Variants in NT5C2 observed in about 807,000 individuals in gnomAD.
The protein encoded by NT5C2 is cytosolic purine 5'-nucleotidase.
A neutral mutation model predicts 76.1 loss-of-function variants in NT5C2; 58 were observed. That is an observed-to-expected ratio of 0.76 (90% CI 0.62 to 0.95). The LOEUF (loss-of-function observed/expected upper bound fraction) is 0.95, where lower values mean the gene tolerates loss of function less well. Ranked by LOEUF, NT5C2 falls within the 40% of genes least tolerant of loss-of-function variation. The pLI, the probability that NT5C2 is intolerant of heterozygous loss-of-function variation, is 0.00. For synonymous variants in NT5C2, 229 were observed against 237.4 expected (o/e 0.96, Z 0.32); for missense variants, 478 against 690.3 (o/e 0.69, Z 3.45).
At chr10:103,129,299 G>T (rs2077442446) in intron 4 of NT5C2, among the ~76,000 whole-genome samples, 1 of 115,754 alleles carries the variant, frequency 8.6e-6, no homozygotes, top group African/African-American at 3.2e-5. Context: ...GGAGGGAGGT[G>T]GGGGGGTCAG....
chr10:103,190,571 T>A (rs1191845422), intron 1 of NT5C2, among the ~76,000 whole-genome samples: 1 of 152,222 alleles, frequency 6.6e-6, no homozygotes, highest in African/African-American at 2.4e-5. Flanking sequence ...TTGTTCTATT[T>A]TTCCCTTCTC....
chr10:103,123,862 A>G (rs1408395212), intron 4 of NT5C2, among the ~76,000 whole-genome samples: 3 of 152,130 alleles, frequency 2.0e-5, no homozygotes, highest in African/African-American at 7.2e-5. Flanking sequence ...GGGGAAAAAA[A>G]AAGTCATTAT....
In NT5C2 at chr10:103,114,153, G is replaced by A. The variant is rs545400535; in HGVS notation, c.176-7447C>T. ...CAATTAGGCCGGCTTGGTGGCTCAC[G>A]CCTGTAATCCCAGCACTTTGGGAGG... On this transcript the variant is annotated intron_variant, in intron 4 of 18. Transcript: ENST00000404739. 3.9e-5 allele frequency among the ~76,000 whole-genome samples: 6 copies of A among 152,314 alleles called. No individual in the cohort carries two copies. In the South Asian group the frequency reaches 1.0e-3, roughly 26 times the overall value.
At chr10:103,127,731 A>G (rs1291076515) in intron 4 of NT5C2, among the ~76,000 whole-genome samples, 1 of 152,220 alleles carries the variant, frequency 6.6e-6, no homozygotes, top group African/African-American at 2.4e-5. Flanking sequence ...TTGAAAAATT[A>G]GAAGTTTAGA....
At position 103,175,805 on chromosome 10, in the gene NT5C2, T is replaced by C. The variant is rs1326922424; in HGVS notation, c.-24-823A>G. The C allele has an allele frequency of 1.5e-5, 3 of 202,430 alleles. No individual in the cohort carries two copies. In the East Asian group the frequency reaches 3.6e-4, roughly 24 times the overall value. The allele number at this position is 202,430 out of a possible 1,614,324, so 12.5% of individuals were successfully genotyped here. On this transcript the variant is annotated intron_variant, in intron 2 of 18. Transcript: ENST00000404739. ...AAGGGGGCAGTCTCCCCTAATAAGT[T>C]CTCTCTCAAGAAGTCTTTCAAATTC...
At position 103,153,574 on chromosome 10, in the gene NT5C2, A is replaced by T. The variant is rs2082778767; in HGVS notation, c.102-14095T>A. ...TGGCCTGAACTGTTTAAGGCTGGCC[A>T]GTTAAGGAAGGAGACAATCCAAATG... is the stretch of plus-strand genomic sequence containing the variant. On this transcript the variant is annotated intron_variant, in intron 3 of 18. Transcript: ENST00000404739. 16 of 985,330 alleles carry T rather than the reference A, an allele frequency of 1.6e-5. No homozygotes were observed. In the South Asian group the frequency reaches 7.0e-4, roughly 43 times the overall value. The allele number at this position is 985,330 out of a possible 1,614,324, so 61.0% of individuals were successfully genotyped here. A position where few individuals can be genotyped will look rare whatever the true frequency, so the allele number is the denominator to read the frequency against.
intron 1 of NT5C2, among the ~76,000 whole-genome samples, chr10:103,192,410 T>C (rs2092704700): frequency 6.6e-6 from 1 of 152,224 alleles, no homozygotes. Flanking sequence ...CTCTACCTGC[T>C]GCTTTTAGAA....
intron 5 of NT5C2, 72 bp downstream of exon 5, chr10:103,106,517 G>A: frequency 4.4e-6 from 4 of 915,526 alleles, no homozygotes; most frequent in Non-Finnish European, 7.1e-6. Flanking sequence ...GATAAATCTG[G>A]AATGTCTAAT....
chr10:103,090,829 ATATT>A (rs2066597890), intron 17 of NT5C2, 42 bp from the exon 18 acceptor site: 4 of 1,603,584 alleles, frequency 2.5e-6, no homozygotes, highest in Non-Finnish European at 2.6e-6. Flanking sequence ...CATTCAACAA[ATATT>A]TATTGAGCAG....
At chr10:103,161,298 C>T (rs1165695588) in intron 3 of NT5C2, among the ~76,000 whole-genome samples, 4 of 152,234 alleles carry the variant, frequency 2.6e-5, no homozygotes, top group East Asian at 3.9e-4. Context: ...CCACCTCAGC[C>T]TCTTGAATAG....
Position 103,089,608 on chromosome 10 carries a change from C to T in NT5C2, c.*64G>A, listed in dbSNP as rs936984586. ...CCGAGTAGAACCCTAACAGGGACCT[C>T]GTTTGTTCCTGTGAGTCCTGCCAGG... On this transcript the variant is annotated 3_prime_UTR_variant, in exon 19 of 19. Coordinates refer to ENST00000404739, the MANE Select transcript of NT5C2 (RefSeq NM_001351169.2). 4.0e-6 allele frequency: 6 copies of T among 1,493,834 alleles called. No individual in the cohort carries two copies. Among genetic ancestry groups the T allele is most frequent in the African/African-American group, 2.8e-5 (2 of 71,336 alleles). The allele number at this position is 1,493,834 out of a possible 1,614,324, so 92.5% of individuals were successfully genotyped here. A position where few individuals can be genotyped will look rare whatever the true frequency, so the allele number is the denominator to read the frequency against.
intron 1 of NT5C2, among the ~76,000 whole-genome samples, chr10:103,186,912 CAAA>C (rs34351688): frequency 9.1e-5 from 8 of 88,364 alleles, no homozygotes; most frequent in Admixed American, 2.4e-4. Flanking sequence ...GACTCCGTCT[CAAA>C]AAAAAAAAAA....
intron 3 of NT5C2, among the ~76,000 whole-genome samples, chr10:103,164,402 C>T (rs543985292): frequency 6.6e-6 from 1 of 152,204 alleles, no homozygotes; most frequent in East Asian, 1.9e-4. Context: ...GGATTACAGG[C>T]ATGCGCCACC....
chr10:103,163,556 A>T (rs907180907), intron 3 of NT5C2, among the ~76,000 whole-genome samples: 1 of 152,108 alleles, frequency 6.6e-6, no homozygotes. Context: ...TCATCTGTAT[A>T]TATCTTCTTA....
chr10:103,099,919 T>C lies in NT5C2; in HGVS notation c.633+7A>G, dbSNP rs780891544. On this transcript the variant is annotated splice_region_variant and intron_variant, in intron 9 of 18. Coordinates refer to ENST00000404739, the MANE Select transcript of NT5C2 (RefSeq NM_001351169.2). ...AGCAAGCAGGTGAAGAAACAGCTTC[T>C]AGGTACCTTGTAATGAACCCAGTCA... The C allele has an allele frequency of 1.9e-6, 3 of 1,586,470 alleles. No homozygotes were observed. Among genetic ancestry groups the C allele is most frequent in the South Asian group, 1.1e-5 (1 of 90,382 alleles).
Position 103,111,879 on chromosome 10 carries a change from G to A in NT5C2, c.176-5173C>T, listed in dbSNP as rs1040166467. On this transcript the variant is annotated intron_variant, in intron 4 of 18. Coordinates refer to ENST00000404739, the MANE Select transcript of NT5C2 (RefSeq NM_001351169.2). Reference sequence around the variant, plus strand: ...GCTGGTTTTAAAACTGTTGTGATGGGCTGGAACAGAGAGATACCATTTGGA... The same window carrying A: ...GCTGGTTTTAAAACTGTTGTGATGGACTGGAACAGAGAGATACCATTTGGA... 4 of 958,154 alleles carry A rather than the reference G, an allele frequency of 4.2e-6. No individual in the cohort carries two copies. In the African/African-American group the frequency reaches 6.8e-5, roughly 16 times the overall value. 59.4% of individuals were successfully genotyped at this position (958,154 alleles called of 1,614,324 possible). A position where few individuals can be genotyped will look rare whatever the true frequency, so the allele number is the denominator to read the frequency against.
chr10:103,123,977 A>G (rs2076201785), intron 4 of NT5C2, among the ~76,000 whole-genome samples: 1 of 152,018 alleles, frequency 6.6e-6, no homozygotes, highest in South Asian at 2.1e-4. Context: ...AATATTAACA[A>G]CTCATCCCCC....
At chr10:103,155,121 GC>G (rs1361424671) in intron 3 of NT5C2, among the ~76,000 whole-genome samples, 1 of 152,130 alleles carries the variant, frequency 6.6e-6, no homozygotes, top group Non-Finnish European at 1.5e-5. Context: ...ATGTCTGTGT[GC>G]CAGATACCAG....
At chr10:103,141,891 A>G (rs1409049196) in intron 3 of NT5C2, among the ~76,000 whole-genome samples, 2 of 152,198 alleles carry the variant, frequency 1.3e-5, no homozygotes, top group South Asian at 2.1e-4. Flanking sequence ...AATTTCAGCA[A>G]TTCAGTAAGT....
Sources: gnomAD v4.1 joint callset for allele counts (sites outside exome capture counted in the v4.1 genomes callset) on GRCh38, gnomAD v4.1.1 for gene constraint, MANE v1.5 for transcripts, NCBI Gene and HGNC (gene_info 2026-07-23, HGNC 2026-07-21) for gene names.